The following ANO10 variants were observed in gnomAD, a reference collection of about 807,000 sequenced individuals.
ANO10 encodes the protein anoctamin 10.
Under a neutral mutation model 74.7 loss-of-function variants are expected in ANO10, and 77 were observed. The observed-to-expected ratio is 1.03, with a 90% CI of 0.86 to 1.25. ANO10 has a LOEUF of 1.25. Among genes scored for constraint, ANO10 ranks in the 50% most tolerant of loss-of-function variants. The pLI is 0.00. For missense variants in ANO10, 721 were observed against 778.1 expected (o/e 0.93, Z 0.87); for synonymous variants, 279 against 284.9 (o/e 0.98, Z 0.21).
intron 12 of ANO10, among the ~76,000 whole-genome samples, chr3:43,432,170 C>G: frequency 6.7e-6 from 1 of 149,240 alleles, no homozygotes; most frequent in Middle Eastern, 3.2e-3. Flanking sequence ...CACTGAGGCA[C>G]AGTTTCTCCT....
At chr3:43,541,899 G>A (rs2078973607) in intron 11 of ANO10, among the ~76,000 whole-genome samples, 1 of 152,220 alleles carries the variant, frequency 6.6e-6, no homozygotes, top group African/African-American at 2.4e-5. Context: ...GGGAAGTGAA[G>A]GGGAAGGAGA....
At chr3:43,464,450 T>C (rs1029495967) in intron 11 of ANO10, among the ~76,000 whole-genome samples, 7 of 152,054 alleles carry the variant, frequency 4.6e-5, no homozygotes, top group Admixed American at 1.3e-4. Context: ...GAGGCCAAGG[T>C]GGGAGGATCA....
intron 1 of ANO10, among the ~76,000 whole-genome samples, chr3:43,681,385 T>G (rs967641151): frequency 3.9e-5 from 6 of 152,126 alleles, no homozygotes; most frequent in Admixed American, 3.9e-4. Context: ...CTAACTATCC[T>G]AAATATATAT....
rs1575574502 is a variant in ANO10 at position 43,366,786 on chromosome 3, C to CTAAG, written c.*116_*119dup. 1 of 1,050,994 alleles carries CTAAG rather than the reference C, an allele frequency of 9.5e-7. No individual in the cohort carries two copies. 65.1% of individuals were successfully genotyped at this position (1,050,994 alleles called of 1,614,324 possible). A position where few individuals can be genotyped will look rare whatever the true frequency, so the allele number is the denominator to read the frequency against. ...GCCACATGGGAGCCACTTCGTTTGGCTAAGCATTGGGTCTGGGTTCAGGAG... is the reference window on the plus strand; with the variant it reads ...GCCACATGGGAGCCACTTCGTTTGGCTAAGTAAGCATTGGGTCTGGGTTCAGGAG... On this transcript the variant is annotated 3_prime_UTR_variant, in exon 13 of 13. Coordinates refer to ENST00000292246, the MANE Select transcript of ANO10 (RefSeq NM_018075.5).
chr3:43,572,455 C>T (rs1246511739), intron 7 of ANO10, among the ~76,000 whole-genome samples: 1 of 152,168 alleles, frequency 6.6e-6, no homozygotes, highest in Non-Finnish European at 1.5e-5. Flanking sequence ...ATATAAGAGG[C>T]CTCTTCATGC....
chr3:43,530,460 T>C (rs1193753980), intron 11 of ANO10, among the ~76,000 whole-genome samples: 3 of 149,450 alleles, frequency 2.0e-5, no homozygotes, highest in Non-Finnish European at 3.0e-5. Flanking sequence ...ATGGTATATA[T>C]AAACTATAAA....
At chr3:43,527,439 C>T (rs2078254842) in intron 11 of ANO10, among the ~76,000 whole-genome samples, 1 of 152,088 alleles carries the variant, frequency 6.6e-6, no homozygotes, top group Admixed American at 6.6e-5. Flanking sequence ...CCTGAACACA[C>T]CAAAATGAAT....
Position 43,432,621 on chromosome 3 carries a change from A to G in ANO10, c.1904T>C (p.Leu635Pro). The G allele has an allele frequency of 1.2e-6, 2 of 1,611,460 alleles. No individual in the cohort carries two copies. The highest frequency in any genetic ancestry group is 1.7e-6 in the Non-Finnish European group (2 of 1,177,618). ...ARLEFESLEA[L>P]KQQQMKLVTE... ...GACAGCTGCTCTCACCTGCTGCTTG[A>G]GTGCCTCCAAAGACTCAAATTCCAG... The change falls in exon 12 of 13, where the codon CTC (leucine) becomes CCC (proline). Residue 635 changes from leucine (L) to proline (P), a missense_variant. By Grantham distance (98) the Leu-to-Pro change is moderately conservative. Coordinates refer to ENST00000292246, the MANE Select transcript of ANO10 (RefSeq NM_018075.5).
At chr3:43,484,798 T>C (rs2076400735) in intron 11 of ANO10, among the ~76,000 whole-genome samples, 2 of 152,154 alleles carry the variant, frequency 1.3e-5, no homozygotes, top group South Asian at 2.1e-4. Context: ...AGAGGGTCCA[T>C]TCAGTTGGTG....
At position 43,464,677 on chromosome 3, in the gene ANO10, T is replaced by TA. The variant is rs199966650; in HGVS notation, c.1798-31951dup. 9.3e-3 allele frequency among the ~76,000 whole-genome samples: 1,402 copies of TA among 150,956 alleles called. 25 individuals are homozygous for TA. The highest frequency in any genetic ancestry group is 0.01 in the Non-Finnish European group (688 of 67,676). On this transcript the variant is annotated intron_variant, in intron 11 of 12. Coordinates refer to ENST00000292246, the MANE Select transcript of ANO10 (RefSeq NM_018075.5). Reference sequence around the variant, plus strand: ...CTAGGTGACAGACAGAGACCCCATATAAAAAAAAATGCAAGATTGGTTTTA... The same window carrying TA: ...CTAGGTGACAGACAGAGACCCCATATAAAAAAAAAATGCAAGATTGGTTTTA...
chr3:43,456,378 C>T lies in ANO10; in HGVS notation c.1798-23651G>A, dbSNP rs532253291. ...CTGCTAAACCTGGGCATTTTCTTCA[C>T]CTGTGCTCTGAGGTAAGCTCTTGCA... On this transcript the variant is annotated intron_variant, in intron 11 of 12. Coordinates refer to ENST00000292246, the MANE Select transcript of ANO10 (RefSeq NM_018075.5). Among the ~76,000 whole-genome samples the T allele has an allele frequency of 2.0e-5, 3 of 152,312 alleles. No individual in the cohort carries two copies. The East Asian group carries it at 5.8e-4, about 29-fold the overall frequency.
intron 12 of ANO10, among the ~76,000 whole-genome samples, chr3:43,414,761 T>C (rs1477028293): frequency 6.6e-6 from 1 of 152,152 alleles, no homozygotes; most frequent in Non-Finnish European, 1.5e-5. Context: ...ATTAAAACCA[T>C]CCATCTCTAA....
At chr3:43,500,220 G>A (rs1488397966) in intron 11 of ANO10, among the ~76,000 whole-genome samples, 1 of 152,098 alleles carries the variant, frequency 6.6e-6, no homozygotes, top group African/African-American at 2.4e-5. Context: ...AGTTGACAAT[G>A]CACAAATTTT....
intron 12 of ANO10, among the ~76,000 whole-genome samples, chr3:43,388,179 C>G (rs1228674561): frequency 6.6e-6 from 1 of 152,166 alleles, no homozygotes; most frequent in African/African-American, 2.4e-5. Flanking sequence ...TGACTAACAA[C>G]CCCTGTGTAC....
At chr3:43,681,137 C>T (rs926149663) in intron 1 of ANO10, among the ~76,000 whole-genome samples, 18 of 151,974 alleles carry the variant, frequency 1.2e-4, no homozygotes, top group African/African-American at 2.9e-4. Flanking sequence ...GACTGGCAAA[C>T]TGGATAAAGA....
At chr3:43,679,018 G>A (rs1486494979) in intron 1 of ANO10, among the ~76,000 whole-genome samples, 9 of 152,120 alleles carry the variant, frequency 5.9e-5, no homozygotes, top group African/African-American at 1.4e-4. Context: ...CATGAGTGAC[G>A]CAGAAGACGG....
chr3:43,526,930 T>C (rs1489616416), intron 11 of ANO10, among the ~76,000 whole-genome samples: 1 of 46,102 alleles, frequency 2.2e-5, no homozygotes, highest in African/African-American at 4.2e-5. Flanking sequence ...CAGTATATAT[T>C]TATAAAATAC....
intron 11 of ANO10, among the ~76,000 whole-genome samples, chr3:43,514,674 C>G (rs958977969): frequency 2.0e-5 from 3 of 152,194 alleles, no homozygotes; most frequent in African/African-American, 7.2e-5. Context: ...CCAGAATACC[C>G]ATTCTTTTCA....
intron 7 of ANO10, among the ~76,000 whole-genome samples, chr3:43,571,302 A>T (rs1575454942): frequency 1.3e-5 from 2 of 152,278 alleles, no homozygotes; most frequent in Admixed American, 1.3e-4. Context: ...CTAGAACTGG[A>T]AATACCATTT....
Sources: gnomAD v4.1 joint callset for allele counts (sites outside exome capture counted in the v4.1 genomes callset) on GRCh38, gnomAD v4.1.1 for gene constraint, MANE v1.5 for transcripts, NCBI Gene and HGNC (gene_info 2026-07-23, HGNC 2026-07-21) for gene names.